The following MTMR12 variants were observed in gnomAD, a reference collection of about 807,000 sequenced individuals.
MTMR12 encodes myotubularin related protein 12.
In MTMR12, 33 loss-of-function variants were observed where a neutral mutation model predicts 96.7. That is an observed-to-expected ratio of 0.34 (90% CI 0.26 to 0.46). The LOEUF (loss-of-function observed/expected upper bound fraction) is 0.46. Among genes scored for constraint, MTMR12 ranks in the 20% least tolerant of loss-of-function variants. The probability of loss-of-function intolerance (pLI) is 1.00; values close to 1 mark genes in which losing one functional copy is unlikely to be tolerated. For synonymous variants in MTMR12, 298 were observed against 327.2 expected (o/e 0.91, Z 0.96); for missense variants, 721 against 896.1 (o/e 0.80, Z 2.49).
At position 32,312,098 on chromosome 5, in the gene MTMR12, G is replaced by A. The variant is rs1751618867; in HGVS notation, c.81+660C>T. ...CTCGAGAAGTATTTTCTGAATGAAT[G>A]AACAAATTTCTTGACCTGAAGATTC... On this transcript the variant is annotated intron_variant, in intron 1 of 15. Transcript: ENST00000382142. This position sits in a 1 kb window ranked among gnomAD's most constrained non-coding sequence, Gnocchi z 5.0. Among the ~76,000 whole-genome samples the A allele has an allele frequency of 1.3e-5, 2 of 152,304 alleles. No individual in the cohort carries two copies. The highest frequency in any genetic ancestry group is 4.1e-4 in the South Asian group (2 of 4,826).
intron 2 of MTMR12, among the ~76,000 whole-genome samples, chr5:32,275,360 G>C (rs1208105828): frequency 6.6e-6 from 1 of 152,158 alleles, no homozygotes; most frequent in Admixed American, 6.5e-5. Flanking sequence ...AGTCCATGGG[G>C]GAAGACATGT....
At chr5:32,241,611 G>T (rs1748479519) in intron 12 of MTMR12, among the ~76,000 whole-genome samples, 1 of 152,292 alleles carries the variant, frequency 6.6e-6, no homozygotes, top group East Asian at 1.9e-4. Context: ...AGCGAGTTAA[G>T]CCCACTGAGG....
At position 32,229,962 on chromosome 5, in the gene MTMR12, G is replaced by A. The variant is rs1370607783; in HGVS notation, c.2060C>T (p.Ala687Val). ...KIDERHHSQQ[A>V]PQAEAPCLLR... ...CAGGCAGGGGGCCTCAGCCTGGGGG[G>A]CCTGCTGGCTGTGGTGTCTCTCGTC... The change falls in exon 16 of 16, where the codon GCC becomes GTC. Residue 687 changes from alanine to valine, a missense_variant. By Grantham distance (64) the Ala-to-Val change is moderately conservative. Transcript: ENST00000382142. The A allele has an allele frequency of 2.5e-6, 4 of 1,612,112 alleles. No individual in the cohort carries two copies. The South Asian group carries it at 3.3e-5, about 13-fold the overall frequency.
intron 10 of MTMR12, 73 bp from the exon 11 acceptor site, chr5:32,243,672 C>T (rs1268748042): frequency 3.3e-6 from 3 of 915,668 alleles, no homozygotes; most frequent in Non-Finnish European, 5.3e-6. Context: ...ATCCTGTGCT[C>T]CTCAACTGTG....
intron 13 of MTMR12, among the ~76,000 whole-genome samples, chr5:32,238,651 T>C (rs570512197): frequency 7.2e-5 from 11 of 152,362 alleles, no homozygotes; most frequent in African/African-American, 2.6e-4. Context: ...ATCTTTTTAT[T>C]GCAAAGACTA....
intron 7 of MTMR12, among the ~76,000 whole-genome samples, chr5:32,260,633 G>C (rs1749328332): frequency 1.3e-5 from 2 of 151,440 alleles, no homozygotes; most frequent in African/African-American, 2.4e-5. Context: ...GAAAAGAACA[G>C]GGTGTGGCTG....
chr5:32,234,851 A>T, intron 14 of MTMR12, 111 bp downstream of exon 14: 3 of 1,010,910 alleles, frequency 3.0e-6, no homozygotes, highest in Non-Finnish European at 4.3e-6. Flanking sequence ...AACTTTGTTT[A>T]GTGTATGTGC....
At chr5:32,237,760 T>C (rs1216226289) in intron 13 of MTMR12, among the ~76,000 whole-genome samples, 1 of 151,872 alleles carries the variant, frequency 6.6e-6, no homozygotes, top group Non-Finnish European at 1.5e-5. Context: ...CCCACCTGCC[T>C]TGGCCTCCCA....
intron 1 of MTMR12, among the ~76,000 whole-genome samples, chr5:32,307,416 G>A (rs1372812140): frequency 1.3e-5 from 2 of 152,022 alleles, no homozygotes; most frequent in African/African-American, 4.8e-5. Context: ...GGGGTGCTGC[G>A]ATGTTTTTAG....
chr5:32,248,686 C>G, intron 9 of MTMR12, 86 bp downstream of exon 9: 1 of 1,006,064 alleles, frequency 9.9e-7, no homozygotes, highest in South Asian at 1.4e-5. Context: ...AGTAGGTAAA[C>G]AGAAATAGAC....
rs1360785175 is a variant in MTMR12 at position 32,312,891 on chromosome 5, T to C, written c.-53A>G. The C allele has an allele frequency of 1.3e-5, 19 of 1,478,650 alleles. No homozygotes were observed. The highest frequency in any genetic ancestry group is 1.7e-5 in the Non-Finnish European group (19 of 1,115,924). The allele number at this position is 1,478,650 out of a possible 1,614,324, so 91.6% of individuals were successfully genotyped here. ...CGGACGCAGAGGCGGCGGCTCGGGC[T>C]CCAGCTGGGGCAGCAGCGGCGGCCA... is the stretch of plus-strand genomic sequence containing the variant. On this transcript the variant is annotated 5_prime_UTR_variant, in exon 1 of 16. Coordinates refer to ENST00000382142, the MANE Select transcript of MTMR12 (RefSeq NM_001040446.3). The surrounding 1 kb of genome is among the most constrained non-coding windows in gnomAD (Gnocchi z 5.0).
rs1415335363 is a variant in MTMR12 at position 32,229,617 on chromosome 5, G to T, written c.*161C>A. 3.6e-6 allele frequency: 2 copies of T among 555,632 alleles called. No individual in the cohort carries two copies. The highest frequency in any genetic ancestry group is 5.8e-6 in the Non-Finnish European group (2 of 346,224). 34.4% of individuals were successfully genotyped at this position (555,632 alleles called of 1,614,324 possible). A position where few individuals can be genotyped will look rare whatever the true frequency, so the allele number is the denominator to read the frequency against. Reference sequence around the variant, plus strand: ...TAATTGCATAGTCTTTTAGAATCATGAAAAATAATGAGAGCCACCTCTTTT... The same window carrying T: ...TAATTGCATAGTCTTTTAGAATCATTAAAAATAATGAGAGCCACCTCTTTT... On this transcript the variant is annotated 3_prime_UTR_variant, in exon 16 of 16. Coordinates refer to ENST00000382142, the MANE Select transcript of MTMR12 (RefSeq NM_001040446.3).
At chr5:32,311,764 G>T (rs1581657309) in intron 1 of MTMR12, among the ~76,000 whole-genome samples, 1 of 152,054 alleles carries the variant, frequency 6.6e-6, no homozygotes, top group African/African-American at 2.4e-5. Flanking sequence ...TTGACGCTCC[G>T]CCAACCCTTC....
intron 10 of MTMR12, among the ~76,000 whole-genome samples, chr5:32,247,332 C>A (rs1375918405): frequency 6.6e-6 from 1 of 152,100 alleles, no homozygotes; most frequent in East Asian, 1.9e-4. Context: ...GTCTGGATGA[C>A]AGAGGTGACA....
At chr5:32,262,686 A>G (rs1258168506) in intron 7 of MTMR12, among the ~76,000 whole-genome samples, 1 of 152,226 alleles carries the variant, frequency 6.6e-6, no homozygotes, top group African/African-American at 2.4e-5. Flanking sequence ...CCAATAGTCC[A>G]TCAACTAATA....
intron 10 of MTMR12, among the ~76,000 whole-genome samples, chr5:32,245,612 G>C (rs959173271): frequency 6.6e-6 from 1 of 152,054 alleles, no homozygotes; most frequent in Non-Finnish European, 1.5e-5. Flanking sequence ...TAGATCACTT[G>C]AGGTAAGGAG....
rs200536768 is a variant in MTMR12, at chr5:32,270,907, C to G, written c.399G>C (p.Lys133Asn). 33 of 1,613,834 alleles carry G rather than the reference C, an allele frequency of 2.0e-5. No individual in the cohort carries two copies. The change falls in exon 5 of 16, where the codon AAG becomes AAC. Residue 133 changes from lysine (K) to asparagine (N), a missense_variant. By Grantham distance (94) the Lys-to-Asn change is moderately conservative. Coordinates refer to ENST00000382142, the MANE Select transcript of MTMR12 (RefSeq NM_001040446.3). ...EKKKTLFGQL[K>N]KYPEKLIIHC... ...GGATGATGAGCTTCTCAGGGTATTT[C>G]TTCAGTTGTCCAAAGAGAGTTTTCT...
chr5:32,305,276 A>G (rs1751311350), intron 1 of MTMR12, among the ~76,000 whole-genome samples: 1 of 152,000 alleles, frequency 6.6e-6, no homozygotes, highest in Admixed American at 6.6e-5. Context: ...TTTAGTAGAG[A>G]TGGGGTTTCA....
chr5:32,248,108 G>C lies in MTMR12; in HGVS notation c.915C>G (p.His305Gln), dbSNP rs770346740. Residue 305 changes from histidine to glutamine, a missense_variant, in exon 10 of 16, where the codon CAC becomes CAG. His to Gln is a conservative substitution (Grantham distance 24). Transcript: ENST00000382142. ...TTTTAACAATTTCATAGGGTGGCCT[G>C]TGGATGGTCTTGTAAATTCTAGGTA... ...SFLDGIYKTI[H>Q]RPPYEIVKTE... 6.2e-7 allele frequency: 1 copy of C among 1,613,898 alleles called. No homozygotes were observed.
Sources: gnomAD v4.1 joint callset for allele counts (sites outside exome capture counted in the v4.1 genomes callset) on GRCh38, gnomAD v4.1.1 for gene constraint, Gnocchi (gnomAD v3.1) non-coding constraint, MANE v1.5 for transcripts, NCBI Gene and HGNC (gene_info 2026-07-23, HGNC 2026-07-21) for gene names.